NAV2: variants seen among roughly 807,000 people sequenced by gnomAD.
NAV2 encodes helicase, APC down-regulated 1.
NAV2 carries 54 observed loss-of-function variants against 223.2 expected under a neutral mutation model. The ratio of observed to expected loss-of-function variants is 0.24; its 90% confidence interval spans 0.19 to 0.30. NAV2 has a LOEUF of 0.30. NAV2 is among the 10% of genes least tolerant of loss of function. NAV2 has a pLI of 1.00. For missense variants in NAV2, 2,806 were observed against 3,147.5 expected, an observed-to-expected ratio of 0.89 and a Z score of 2.60; for synonymous variants, 1,279 against 1,239.3, an observed-to-expected ratio of 1.03 and a Z score of -0.67.
chr11:19,719,239 C>A (rs1257386090), intron 1 of NAV2, among the ~76,000 whole-genome samples: 1 of 152,148 alleles, frequency 6.6e-6, no homozygotes, highest in African/African-American at 2.4e-5. Flanking sequence ...CTGCTATGTG[C>A]CAGGTAGTCT....
intron 22 of NAV2, among the ~76,000 whole-genome samples, chr11:20,075,017 A>G (rs7121734): frequency 0.31 from 47,268 of 151,700 alleles, 7,759 homozygotes; most frequent in South Asian, 0.45. Flanking sequence ...AATCATTTAC[A>G]TTTAACTTTG....
chr11:19,377,571 A>C (rs1486572268), intron 1 of NAV2, among the ~76,000 whole-genome samples: 3 of 152,174 alleles, frequency 2.0e-5, no homozygotes, highest in Admixed American at 2.0e-4. Flanking sequence ...CCATATTCCC[A>C]GTATGCAGCA....
intron 1 of NAV2, among the ~76,000 whole-genome samples, chr11:19,831,196 G>A (rs1360578202): frequency 4.1e-5 from 5 of 122,630 alleles, no homozygotes; most frequent in Non-Finnish European, 6.5e-5. Context: ...CCTGACCCCG[G>A]CTCCTGTTCC....
intron 1 of NAV2, among the ~76,000 whole-genome samples, chr11:19,619,937 A>G (rs1413705134): frequency 2.6e-5 from 4 of 152,168 alleles, no homozygotes; most frequent in Non-Finnish European, 5.9e-5. Flanking sequence ...TAATTTTTGT[A>G]TAAGGTGTAA....
chr11:19,514,358 C>T (rs1334159608), intron 1 of NAV2, among the ~76,000 whole-genome samples: 5 of 152,170 alleles, frequency 3.3e-5, no homozygotes, highest in African/African-American at 1.2e-4. Context: ...ACCAGATCCT[C>T]TCAACACACA....
chr11:19,475,011 C>T (rs2042073575), intron 1 of NAV2, among the ~76,000 whole-genome samples: 1 of 152,224 alleles, frequency 6.6e-6, no homozygotes, highest in Non-Finnish European at 1.5e-5. Context: ...AAATGAACAA[C>T]TGTCTCATTC....
chr11:19,646,444 CTTTT>C (rs1203434802), intron 1 of NAV2, among the ~76,000 whole-genome samples: 1 of 152,162 alleles, frequency 6.6e-6, no homozygotes, highest in Non-Finnish European at 1.5e-5. Flanking sequence ...CTTCCTCATT[CTTTT>C]TGTCTTTTGT....
chr11:19,611,669 T>C (rs555412597), intron 1 of NAV2, among the ~76,000 whole-genome samples: 1 of 152,322 alleles, frequency 6.6e-6, no homozygotes, highest in East Asian at 1.9e-4. Context: ...TCCAGGTCAC[T>C]CTGATGCAAG....
At chr11:19,699,893 T>C (rs1029620006) in intron 1 of NAV2, among the ~76,000 whole-genome samples, 2 of 152,168 alleles carry the variant, frequency 1.3e-5, no homozygotes, top group Non-Finnish European at 2.9e-5. Flanking sequence ...TGGTCCATTG[T>C]GGATGCCCCA....
chr11:20,025,943 A>C (rs1039221837), intron 11 of NAV2, among the ~76,000 whole-genome samples: 1 of 152,146 alleles, frequency 6.6e-6, no homozygotes, highest in Non-Finnish European at 1.5e-5. Context: ...TCCCATATAC[A>C]TGGAGAGCTG....
intron 5 of NAV2, among the ~76,000 whole-genome samples, chr11:19,889,527 A>G (rs2041311179): frequency 6.6e-6 from 1 of 152,214 alleles, no homozygotes; most frequent in South Asian, 2.1e-4. Flanking sequence ...TTTGACGGCT[A>G]TATGCAAACC....
At chr11:19,494,195 T>C (rs185627773) in intron 1 of NAV2, among the ~76,000 whole-genome samples, 1 of 152,316 alleles carries the variant, frequency 6.6e-6, no homozygotes, top group African/African-American at 2.4e-5. Context: ...AAGAGGGCCA[T>C]GGATTGAGCC....
intron 1 of NAV2, among the ~76,000 whole-genome samples, chr11:19,703,506 A>G (rs943966659): frequency 6.6e-6 from 1 of 152,222 alleles, no homozygotes; most frequent in South Asian, 2.1e-4. Flanking sequence ...CCGGTAGAGT[A>G]ACGAGTAAGG....
At chr11:19,843,385 A>G (rs1590844629) in intron 3 of NAV2, among the ~76,000 whole-genome samples, 2 of 152,352 alleles carry the variant, frequency 1.3e-5, no homozygotes, top group East Asian at 1.9e-4. Context: ...GTGACAGGAA[A>G]TGTGAAATGT....
At chr11:19,779,069 A>G (rs1463077102) in intron 1 of NAV2, among the ~76,000 whole-genome samples, 2 of 152,106 alleles carry the variant, frequency 1.3e-5, no homozygotes, top group East Asian at 3.9e-4. Context: ...CCACTCCGAT[A>G]TTGCTGCCCG....
chr11:19,539,134 G>A (rs1171394823), intron 1 of NAV2, among the ~76,000 whole-genome samples: 2 of 152,170 alleles, frequency 1.3e-5, no homozygotes, highest in South Asian at 2.1e-4. Flanking sequence ...CCTCTGCAAC[G>A]TCACAGTTTT....
At chr11:19,810,454 T>C (rs2058785336) in intron 1 of NAV2, among the ~76,000 whole-genome samples, 1 of 152,208 alleles carries the variant, frequency 6.6e-6, no homozygotes, top group African/African-American at 2.4e-5. Flanking sequence ...TACTGGGCTG[T>C]TGTTATTTTT....
At chr11:20,086,411 T>C (rs1475468275) in intron 26 of NAV2, among the ~76,000 whole-genome samples, 3 of 152,192 alleles carry the variant, frequency 2.0e-5, no homozygotes, top group Non-Finnish European at 4.4e-5. Context: ...CTGCTCAATG[T>C]GACTTAATGA....
chr11:19,929,247 C>T (rs994584409), intron 6 of NAV2, among the ~76,000 whole-genome samples: 1 of 151,666 alleles, frequency 6.6e-6, no homozygotes, highest in Admixed American at 6.6e-5. Flanking sequence ...AGTGAGATTC[C>T]ATCTCAAAAA....
Sources: allele counts gnomAD v4.1 joint callset (sites outside exome capture counted in the v4.1 genomes callset), GRCh38; gene constraint gnomAD v4.1.1; transcripts MANE v1.5; gene names NCBI Gene and HGNC (gene_info 2026-07-23, HGNC 2026-07-21).